Variants in SMOC1 observed in about 807,000 individuals in gnomAD.
The protein encoded by SMOC1 is SPARC related modular calcium binding 1.
In SMOC1, 22 loss-of-function variants were observed where a neutral mutation model predicts 56.3. That is an observed-to-expected ratio of 0.39 (90% CI 0.28 to 0.56). SMOC1 has a LOEUF of 0.56. Among genes scored for constraint, SMOC1 ranks in the 20% least tolerant of loss-of-function variants. SMOC1 has a pLI of 0.61. For synonymous variants in SMOC1, 193 were observed against 215.0 expected (o/e 0.90, Z 0.89); for missense variants, 509 against 565.4 (o/e 0.90, Z 1.01).
chr14:69,981,823 T>C (rs1884189518), intron 5 of SMOC1, among the ~76,000 whole-genome samples: 1 of 152,210 alleles, frequency 6.6e-6, no homozygotes, highest in Non-Finnish European at 1.5e-5. Flanking sequence ...GATGTGACTC[T>C]TTTTGGGGTC....
chr14:70,016,662 C>A (rs559080155), intron 10 of SMOC1, among the ~76,000 whole-genome samples: 45 of 152,266 alleles, frequency 3.0e-4, no homozygotes, highest in Non-Finnish European at 4.6e-4. Flanking sequence ...ACAACTTTGC[C>A]GGCCCCACCT....
In SMOC1 at chr14:69,926,569, A is replaced by G. The variant is rs1225831790; in HGVS notation, c.100-25569A>G. On this transcript the variant is annotated intron_variant, in intron 1 of 11. Coordinates refer to ENST00000361956, the MANE Select transcript of SMOC1 (RefSeq NM_001034852.3). ...TGGCCTCAGGTCCTAGGGGCTCTGC[A>G]GAGGATCAAGTGGTCTTTTGTTCAG... 7.2e-5 allele frequency among the ~76,000 whole-genome samples: 11 copies of G among 152,370 alleles called. 1 individual carries two copies. In the South Asian group the frequency reaches 1.7e-3, roughly 23 times the overall value.
intron 3 of SMOC1, among the ~76,000 whole-genome samples, chr14:69,969,397 T>C (rs886503416): frequency 6.6e-6 from 1 of 151,950 alleles, no homozygotes; most frequent in Non-Finnish European, 1.5e-5. Context: ...AAACTTACAA[T>C]CATGGCGGAA....
At chr14:69,987,652 A>G (rs574828614) in intron 5 of SMOC1, among the ~76,000 whole-genome samples, 1 of 152,274 alleles carries the variant, frequency 6.6e-6, no homozygotes, top group African/African-American at 2.4e-5. Flanking sequence ...GTTATTCTGA[A>G]AAGTCTTTCC....
At chr14:69,890,033 T>A (rs1883918792) in intron 1 of SMOC1, among the ~76,000 whole-genome samples, 1 of 152,206 alleles carries the variant, frequency 6.6e-6, no homozygotes, top group Admixed American at 6.5e-5. Flanking sequence ...ATAGCATTAT[T>A]AGGATTAGCA....
intron 1 of SMOC1, among the ~76,000 whole-genome samples, chr14:69,926,965 C>T (rs962959): frequency 0.22 from 33,684 of 152,022 alleles, 4,374 homozygotes; most frequent in East Asian, 0.54. Flanking sequence ...ACAACAGTGG[C>T]TCACATTAAC....
At chr14:69,994,175 T>C in intron 6 of SMOC1, 1 of 606,554 alleles carries the variant, frequency 1.6e-6, no homozygotes, top group South Asian at 1.9e-5. Context: ...TTCTGACCAC[T>C]CTGCTTCCCA....
At chr14:69,972,430 G>A (rs1381838165) in intron 3 of SMOC1, among the ~76,000 whole-genome samples, 2 of 151,750 alleles carry the variant, frequency 1.3e-5, no homozygotes, top group South Asian at 2.1e-4. Flanking sequence ...CCACACCTGC[G>A]GCACACCTGG....
rs538035061 is a variant in SMOC1 at position 70,004,974 on chromosome 14, G to A, written c.665-5780G>A. On this transcript the variant is annotated intron_variant, in intron 7 of 11. Transcript: ENST00000361956. ...CTTTCTCCAAAAAGCTTACAGCATAGCTGGTCTACCAATAACTGCTGACTG... is the reference window on the plus strand; with the variant it reads ...CTTTCTCCAAAAAGCTTACAGCATAACTGGTCTACCAATAACTGCTGACTG... Among the ~76,000 whole-genome samples the A allele has an allele frequency of 3.5e-4, 54 of 152,292 alleles. No homozygotes were observed. The Middle Eastern group carries it at 0.01, about 29-fold the overall frequency.
chr14:69,891,409 A>G (rs1258344799), intron 1 of SMOC1, among the ~76,000 whole-genome samples: 1 of 152,258 alleles, frequency 6.6e-6, no homozygotes, highest in African/African-American at 2.4e-5. Flanking sequence ...ATACATTTAC[A>G]TAGAGCACAA....
At chr14:69,936,605 T>G (rs1208311812) in intron 1 of SMOC1, among the ~76,000 whole-genome samples, 1 of 152,230 alleles carries the variant, frequency 6.6e-6, no homozygotes, top group African/African-American at 2.4e-5. Context: ...TGTGGGCCAT[T>G]GCCGGCCAGC....
At position 69,899,749 on chromosome 14, in the gene SMOC1, T is replaced by C. The variant is rs59439776; in HGVS notation, c.99+19972T>C. Among the ~76,000 whole-genome samples the C allele has an allele frequency of 7.6e-3, 1,155 of 152,244 alleles. 19 individuals carry two copies. The highest frequency in any genetic ancestry group is 0.054 in the East Asian group (278 of 5,176). On this transcript the variant is annotated intron_variant, in intron 1 of 11. Transcript: ENST00000361956. The stretch of plus-strand genomic sequence containing the variant: ...CCCCTAAGTCTAGGTGCCCTTGCAG[T>C]TTTTGACCCTCAGACTTATTCCTCC...
chr14:69,953,026 G>A (rs1200608052), intron 2 of SMOC1, among the ~76,000 whole-genome samples: 2 of 152,192 alleles, frequency 1.3e-5, no homozygotes, highest in East Asian at 3.8e-4. Context: ...TAAGCAGGCT[G>A]CGCTAGAGCC....
chr14:69,931,981 G>A (rs1207046340), intron 1 of SMOC1, among the ~76,000 whole-genome samples: 2 of 152,196 alleles, frequency 1.3e-5, no homozygotes, highest in Non-Finnish European at 2.9e-5. Flanking sequence ...CGCAGGGAGC[G>A]GGGCACTGAC....
intron 1 of SMOC1, among the ~76,000 whole-genome samples, chr14:69,903,352 G>T (rs933976698): frequency 3.3e-5 from 5 of 151,834 alleles, no homozygotes; most frequent in African/African-American, 1.2e-4. Flanking sequence ...CAGCCGCTCC[G>T]TCTGAGAAGT....
intron 1 of SMOC1, among the ~76,000 whole-genome samples, chr14:69,892,918 A>T (rs1884002514): frequency 6.6e-6 from 1 of 152,224 alleles, no homozygotes. Context: ...TGTTTCTTCG[A>T]ATCAAGGTCC....
At chr14:69,973,399 C>G (rs1409440281) in intron 3 of SMOC1, among the ~76,000 whole-genome samples, 1 of 152,264 alleles carries the variant, frequency 6.6e-6, no homozygotes, top group East Asian at 1.9e-4. Flanking sequence ...AGCGATGTAT[C>G]TAGTTCATAA....
At chr14:69,916,245 A>G (rs564904847) in intron 1 of SMOC1, among the ~76,000 whole-genome samples, 112 of 152,298 alleles carry the variant, frequency 7.4e-4, no homozygotes, top group Admixed American at 1.7e-3. Context: ...ATCCCAAATC[A>G]TATCCATCAG....
intron 3 of SMOC1, among the ~76,000 whole-genome samples, chr14:69,962,769 G>A (rs1305474986): frequency 6.6e-6 from 1 of 151,756 alleles, no homozygotes; most frequent in Non-Finnish European, 1.5e-5. Flanking sequence ...TAGAGACGAT[G>A]TTTTGTCATG....
Sources: allele counts gnomAD v4.1 joint callset (sites outside exome capture counted in the v4.1 genomes callset), GRCh38; gene constraint gnomAD v4.1.1; transcripts MANE v1.5; gene names NCBI Gene and HGNC (gene_info 2026-07-23, HGNC 2026-07-21).